The following ERG variants were observed in gnomAD, a reference collection of about 807,000 sequenced individuals.
ERG encodes transcriptional regulator ERG.
Under a neutral mutation model 55.3 loss-of-function variants are expected in ERG, and 9 were observed. That is an observed-to-expected ratio of 0.16 (90% CI 0.10 to 0.28). The LOEUF is 0.28. ERG is among the 10% of genes least tolerant of loss of function. The pLI, the probability that ERG is intolerant of heterozygous loss-of-function variation, is 1.00. For synonymous variants in ERG, 223 were observed against 237.3 expected (o/e 0.94, Z 0.55); for missense variants, 434 against 631.6 (o/e 0.69, Z 3.35).
chr21:38,386,778 C>T (rs901764219), intron 9 of ERG, among the ~76,000 whole-genome samples: 3 of 144,022 alleles, frequency 2.1e-5, no homozygotes, highest in African/African-American at 7.6e-5. Context: ...TTGGGTAAAC[C>T]CTTCAGATCT....
intron 1 of ERG, among the ~76,000 whole-genome samples, chr21:38,616,957 C>G (rs2060262709): frequency 6.6e-6 from 1 of 152,208 alleles, no homozygotes; most frequent in Non-Finnish European, 1.5e-5. Flanking sequence ...TGTGATATAA[C>G]TCTTACCTAC....
At chr21:38,609,719 T>A (rs2060215117) in intron 1 of ERG, among the ~76,000 whole-genome samples, 2 of 152,232 alleles carry the variant, frequency 1.3e-5, no homozygotes, top group Non-Finnish European at 2.9e-5. Context: ...AAATCTGTGC[T>A]GTATACAGGC....
chr21:38,435,301 A>T (rs935791136), intron 2 of ERG, among the ~76,000 whole-genome samples: 1 of 152,120 alleles, frequency 6.6e-6, no homozygotes, highest in Non-Finnish European at 1.5e-5. Context: ...TCACCACAAA[A>T]GGTATTTTTA....
intron 2 of ERG, among the ~76,000 whole-genome samples, chr21:38,543,760 G>C (rs1326909235): frequency 1.5e-5 from 2 of 131,918 alleles, no homozygotes; most frequent in Non-Finnish European, 3.2e-5. Flanking sequence ...TTTTTCAGAT[G>C]AAGTCTCACT....
intron 3 of ERG, among the ~76,000 whole-genome samples, chr21:38,411,506 C>T (rs888694554): frequency 6.6e-6 from 1 of 152,108 alleles, no homozygotes; most frequent in Admixed American, 6.5e-5. Context: ...TGGGGTTTCA[C>T]CATGTTGTCC....
chr21:38,408,190 C>T (rs1470369015), intron 3 of ERG, among the ~76,000 whole-genome samples: 1 of 152,168 alleles, frequency 6.6e-6, no homozygotes, highest in Non-Finnish European at 1.5e-5. Flanking sequence ...CTCCTGAGCA[C>T]TCGCACCACT....
At chr21:38,407,712 ATACTT>A (rs1988839116) in intron 3 of ERG, among the ~76,000 whole-genome samples, 1 of 147,224 alleles carries the variant, frequency 6.8e-6, no homozygotes, top group Non-Finnish European at 1.5e-5. Context: ...TTTTTATAAA[ATACTT>A]TAAATACTTT....
chr21:38,381,900 C>T lies in ERG; in HGVS notation c.*1503G>A, dbSNP rs1344193033. On this transcript the variant is annotated 3_prime_UTR_variant, in exon 10 of 10. Transcript: ENST00000288319. ...ATTTGGGTGCCAAACATCCTATTTC[C>T]TTGGCTCTCCCTTGCACAAGTTCCT... 1.4e-5 allele frequency: 15 copies of T among 1,063,388 alleles called. No individual in the cohort carries two copies. The highest frequency in any genetic ancestry group is 1.6e-5 in the Non-Finnish European group (14 of 878,012). The allele number at this position is 1,063,388 out of a possible 1,614,324, so 65.9% of individuals were successfully genotyped here.
intron 1 of ERG, among the ~76,000 whole-genome samples, chr21:38,603,019 A>T (rs917843023): frequency 1.3e-4 from 20 of 151,858 alleles, no homozygotes; most frequent in African/African-American, 4.9e-4. Context: ...GCTCAGACAG[A>T]TTTCAAGCAG....
intron 1 of ERG, among the ~76,000 whole-genome samples, chr21:38,620,128 C>G (rs546258477): frequency 2.6e-5 from 4 of 152,346 alleles, no homozygotes; most frequent in South Asian, 2.1e-4. Flanking sequence ...GTGTTAGATA[C>G]AGAGAGTCCA....
rs563062240 is a variant in ERG at position 38,527,764 on chromosome 21, C to A, written c.-41+47898G>T. Among the ~76,000 whole-genome samples, 162 of 152,290 alleles carry A rather than the reference C, an allele frequency of 1.1e-3. 1 individual carries two copies. Among genetic ancestry groups the A allele is most frequent in the Middle Eastern group, 0.01 (3 of 294 alleles). ...AGCTTTGAAGCCAGAGGTTACTGAA[C>A]AACTACCCTGGTTAAAACCCTAACG... On this transcript the variant is annotated intron_variant, in intron 2 of 8. Coordinates refer to the ERG transcript ENST00000398897.
At chr21:38,567,898 A>G (rs1200775646) in intron 2 of ERG, among the ~76,000 whole-genome samples, 1 of 152,202 alleles carries the variant, frequency 6.6e-6, no homozygotes, top group Admixed American at 6.5e-5. Context: ...GTGACCTCGC[A>G]CAGAACGCTG....
downstream of ERG, among the ~76,000 whole-genome samples, chr21:38,377,693 C>T (rs1453606044): frequency 1.3e-5 from 2 of 152,196 alleles, no homozygotes; most frequent in African/African-American, 4.8e-5. Context: ...CCCACCCCTT[C>T]CTTAGCCTCA....
At chr21:38,411,343 T>C (rs1989036961) in intron 3 of ERG, among the ~76,000 whole-genome samples, 1 of 152,184 alleles carries the variant, frequency 6.6e-6, no homozygotes, top group Non-Finnish European at 1.5e-5. Flanking sequence ...TTTGAGATAG[T>C]GTCTCGCTCT....
chr21:38,517,031 A>C (rs1295136844), intron 2 of ERG, among the ~76,000 whole-genome samples: 1 of 152,102 alleles, frequency 6.6e-6, no homozygotes, highest in Non-Finnish European at 1.5e-5. Flanking sequence ...AAATAGAGAA[A>C]ACATTTCAGG....
At chr21:38,609,535 C>A (rs908276975) in intron 1 of ERG, among the ~76,000 whole-genome samples, 1 of 152,148 alleles carries the variant, frequency 6.6e-6, no homozygotes, top group Non-Finnish European at 1.5e-5. Context: ...TAAACCACCA[C>A]AAAAATCAGT....
At chr21:38,541,845 G>A (rs866660683) in intron 2 of ERG, among the ~76,000 whole-genome samples, 5 of 152,102 alleles carry the variant, frequency 3.3e-5, no homozygotes, top group Non-Finnish European at 7.3e-5. Flanking sequence ...TAGGTGCAGG[G>A]AACCACCATG....
rs542833697 is a variant in ERG at position 38,460,184 on chromosome 21, G to A, written c.19-14563C>T. ...CTGCGGGGGCTGCACGAGGAACAAT[G>A]GGACCAAGAACAGCCAGGGAGGAGG... On this transcript the variant is annotated intron_variant, in intron 1 of 9. Transcript: ENST00000288319. This position sits in a 1 kb window ranked among gnomAD's most constrained non-coding sequence, Gnocchi z 5.0. Among the ~76,000 whole-genome samples, 2 of 152,142 alleles carry A rather than the reference G, an allele frequency of 1.3e-5. No individual in the cohort carries two copies. Among genetic ancestry groups the A allele is most frequent in the Admixed American group, 6.5e-5 (1 of 15,272 alleles).
chr21:38,484,992 G>A (rs535179964), intron 1 of ERG, among the ~76,000 whole-genome samples: 8 of 151,424 alleles, frequency 5.3e-5, no homozygotes, highest in Admixed American at 4.6e-4. Context: ...ATTTTAGAGT[G>A]TACTTTTTCT....
Sources: gnomAD v4.1 joint callset for allele counts (sites outside exome capture counted in the v4.1 genomes callset) on GRCh38, gnomAD v4.1.1 for gene constraint, Gnocchi (gnomAD v3.1) non-coding constraint, MANE v1.5 for transcripts, NCBI Gene and HGNC (gene_info 2026-07-23, HGNC 2026-07-21) for gene names.